Variants in FBXL17 observed in about 807,000 individuals in gnomAD.
FBXL17 encodes the protein F-box/LRR-repeat protein 17.
Under a neutral mutation model 66.2 loss-of-function variants are expected in FBXL17, and 22 were observed. That is an observed-to-expected ratio of 0.33 (90% CI 0.24 to 0.47). FBXL17 has a LOEUF of 0.47. Ranked by LOEUF, FBXL17 falls within the 20% of genes least tolerant of loss-of-function variation. The pLI, the probability that FBXL17 is intolerant of heterozygous loss-of-function variation, is 1.00. For missense variants in FBXL17, 878 were observed against 948.2 expected, an observed-to-expected ratio of 0.93 and a Z score of 0.97; for synonymous variants, 474 against 400.5, an observed-to-expected ratio of 1.18 and a Z score of -2.19.
At chr5:108,222,397 T>G (rs935388076) in intron 5 of FBXL17, among the ~76,000 whole-genome samples, 2 of 152,164 alleles carry the variant, frequency 1.3e-5, no homozygotes, top group African/African-American at 4.8e-5. Flanking sequence ...ACCAAGATGT[T>G]CAGGCCAAGG....
intron 6 of FBXL17, among the ~76,000 whole-genome samples, chr5:108,145,137 C>T (rs1437312461): frequency 6.6e-6 from 1 of 152,038 alleles, no homozygotes. Context: ...CTTTGATATA[C>T]TCTAGTTTAT....
intron 8 of FBXL17, among the ~76,000 whole-genome samples, chr5:107,873,432 T>C (rs904501957): frequency 5.9e-5 from 9 of 152,138 alleles, no homozygotes; most frequent in Non-Finnish European, 1.3e-4. Context: ...TAATAAAATA[T>C]ATGATAAAAA....
chr5:108,049,784 C>G (rs1172803656), intron 6 of FBXL17, among the ~76,000 whole-genome samples: 1 of 152,216 alleles, frequency 6.6e-6, no homozygotes, highest in East Asian at 1.9e-4. Flanking sequence ...TTAAAAGACA[C>G]AGACTGGCAA....
chr5:108,178,002 T>G (rs10463586), intron 6 of FBXL17, among the ~76,000 whole-genome samples: 69,519 of 146,520 alleles, frequency 0.47, 17,275 homozygotes, highest in East Asian at 0.76. Flanking sequence ...GTCTAATGGA[T>G]AGAAGAACAG....
At chr5:107,956,412 G>A (rs1751667568) in intron 7 of FBXL17, among the ~76,000 whole-genome samples, 1 of 152,112 alleles carries the variant, frequency 6.6e-6, no homozygotes, top group Non-Finnish European at 1.5e-5. Context: ...ATACAAGATG[G>A]TGCTGGTAAC....
chr5:108,239,322 C>T (rs114372094), intron 4 of FBXL17, among the ~76,000 whole-genome samples: 143 of 152,312 alleles, frequency 9.4e-4, no homozygotes, highest in African/African-American at 3.4e-3. Flanking sequence ...AAAAGACATA[C>T]TTGAATTGCC....
chr5:107,894,677 C>T (rs1452632740), intron 7 of FBXL17, among the ~76,000 whole-genome samples: 1 of 152,064 alleles, frequency 6.6e-6, no homozygotes, highest in Non-Finnish European at 1.5e-5. Context: ...ATAAATCTCA[C>T]TCTTATATAT....
chr5:108,312,687 A>G (rs1053427793), intron 4 of FBXL17, among the ~76,000 whole-genome samples: 4 of 152,198 alleles, frequency 2.6e-5, no homozygotes, highest in Non-Finnish European at 5.9e-5. Context: ...ACAACTATGT[A>G]AATTTTTCAT....
At chr5:108,016,782 C>CTTTT (rs372887324) in intron 7 of FBXL17, among the ~76,000 whole-genome samples, 5 of 146,456 alleles carry the variant, frequency 3.4e-5, no homozygotes. Flanking sequence ...TTCTTTCTTT[C>CTTTT]TTTCTTTTTT....
At chr5:108,364,633 T>G (rs1748545234) in intron 3 of FBXL17, 105 bp downstream of exon 3, 1 of 866,136 alleles carries the variant, frequency 1.2e-6, no homozygotes, top group East Asian at 2.5e-5. Context: ...GATGATTCAC[T>G]TGAGTCTCTG....
chr5:108,333,534 G>A (rs1760233735), intron 4 of FBXL17, among the ~76,000 whole-genome samples: 1 of 152,066 alleles, frequency 6.6e-6, no homozygotes, highest in African/African-American at 2.4e-5. Context: ...AAATGTGGCA[G>A]TATTTAAAAT....
chr5:108,361,879 G>T (rs772689981), intron 3 of FBXL17, among the ~76,000 whole-genome samples: 12 of 152,154 alleles, frequency 7.9e-5, no homozygotes, highest in Non-Finnish European at 1.8e-4. Flanking sequence ...TCTGGAACCA[G>T]GGATCTGGGT....
At chr5:108,106,999 A>G (rs1749823953) in intron 6 of FBXL17, among the ~76,000 whole-genome samples, 1 of 152,238 alleles carries the variant, frequency 6.6e-6, no homozygotes, top group African/African-American at 2.4e-5. Flanking sequence ...GGAAATGCTC[A>G]GAAAACAAGA....
intron 6 of FBXL17, among the ~76,000 whole-genome samples, chr5:108,115,625 A>G (rs1307582554): frequency 2.0e-5 from 3 of 151,964 alleles, no homozygotes; most frequent in African/African-American, 7.3e-5. Context: ...TTCCATCTTT[A>G]AGAAAAAAAA....
intron 7 of FBXL17, among the ~76,000 whole-genome samples, chr5:108,014,864 AT>A (rs1249391529): frequency 6.6e-6 from 1 of 152,218 alleles, no homozygotes; most frequent in Non-Finnish European, 1.5e-5. Flanking sequence ...CAAAAGTCAC[AT>A]CTTACATGTC....
Position 108,381,578 on chromosome 5 carries a change from T to C in FBXL17, c.114A>G (p.Pro38=). The C allele has an allele frequency of 2.1e-6, 3 of 1,449,630 alleles. No individual in the cohort carries two copies. The South Asian group carries it at 4.1e-5, about 20-fold the overall frequency. 89.8% of individuals were successfully genotyped at this position (1,449,630 alleles called of 1,614,324 possible). A position where few individuals can be genotyped will look rare whatever the true frequency, so the allele number is the denominator to read the frequency against. Residue 38 remains proline (P), a synonymous_variant, in exon 1 of 9, where the codon CCA becomes CCG. Transcript: ENST00000542267. ...CCGCCGGCTGAGGGGGCACCTTGGC[T>C]GGGGTCCGGCGGGGCAGCCTGAGGA... is the stretch of plus-strand genomic sequence containing the variant. ...RPLLRLPRRT[P]AKVPPQPAAP... is the part of the protein sequence containing the mutation.
intron 7 of FBXL17, among the ~76,000 whole-genome samples, chr5:107,962,358 T>G (rs569505028): frequency 2.6e-5 from 4 of 152,298 alleles, no homozygotes; most frequent in African/African-American, 9.6e-5. Flanking sequence ...ATGCTTTCAC[T>G]GTGACCATAA....
At chr5:107,890,391 G>T (rs1749159432) in intron 7 of FBXL17, among the ~76,000 whole-genome samples, 1 of 151,980 alleles carries the variant, frequency 6.6e-6, no homozygotes, top group Non-Finnish European at 1.5e-5. Context: ...GCTGGGCATG[G>T]TGGTTCATGC....
rs559212114 is a variant in FBXL17 at position 108,059,538 on chromosome 5, G to C, written c.1746-38537C>G. On this transcript the variant is annotated intron_variant, in intron 6 of 8. Transcript: ENST00000542267. ...CAACCTGGAATTCTCTGGAGGTCTA[G>C]TCCAGGGCCACCAGGTGGAAGGCTA... 6.2e-4 allele frequency among the ~76,000 whole-genome samples: 95 copies of C among 152,294 alleles called. 1 individual carries two copies. The South Asian group carries it at 0.01, about 17-fold the overall frequency.
Sources: gnomAD v4.1 joint callset for allele counts (sites outside exome capture counted in the v4.1 genomes callset) on GRCh38, gnomAD v4.1.1 for gene constraint, MANE v1.5 for transcripts, NCBI Gene and HGNC (gene_info 2026-07-23, HGNC 2026-07-21) for gene names.